CCDC66: variants seen among roughly 807,000 people sequenced by gnomAD.
CCDC66 encodes the protein coiled-coil domain containing 66.
CCDC66 carries 133 observed loss-of-function variants against 128.3 expected under a neutral mutation model. The ratio of observed to expected loss-of-function variants is 1.04; its 90% CI spans 0.90 to 1.20. The LOEUF is 1.20. Ranked by LOEUF, CCDC66 falls within the 50% of genes most tolerant of loss-of-function variation. The pLI is 0.00. For synonymous variants in CCDC66, 387 were observed against 357.0 expected, an observed-to-expected ratio of 1.08 and a Z score of -0.95; for missense variants, 1,126 against 1,075.5, an observed-to-expected ratio of 1.05 and a Z score of -0.66.
intron 7 of CCDC66, among the ~76,000 whole-genome samples, chr3:56,583,780 G>A (rs1430686230): frequency 3.3e-5 from 5 of 151,824 alleles, no homozygotes; most frequent in Admixed American, 6.6e-5. Flanking sequence ...AACCGCCATC[G>A]TCATCATGGC....
intron 3 of CCDC66, chr3:56,560,921 T>A (rs1046441987): frequency 8.8e-6 from 4 of 456,626 alleles, no homozygotes; most frequent in Non-Finnish European, 1.8e-5. Context: ...TACCACTTTA[T>A]CCTTCAACTC....
At chr3:56,560,989 C>T (rs2065020607) in intron 3 of CCDC66, 1 of 452,432 alleles carries the variant, frequency 2.2e-6, no homozygotes, top group African/African-American at 2.0e-5. Context: ...TGCTGGAGTA[C>T]CCGAAATATC....
chr3:56,567,092 T>C (rs760853031), intron 6 of CCDC66, 39 bp downstream of exon 6: 5 of 1,485,668 alleles, frequency 3.4e-6, no homozygotes, highest in Non-Finnish European at 4.7e-6. Flanking sequence ...TTTTATTGGC[T>C]TAAAGAATAT....
chr3:56,565,235 C>A, intron 4 of CCDC66: 2 of 248,690 alleles, frequency 8.0e-6, no homozygotes, highest in Non-Finnish European at 1.7e-5. Flanking sequence ...TATTTGTATT[C>A]CCCTTTAGGT....
intron 10 of CCDC66, among the ~76,000 whole-genome samples, chr3:56,605,222 T>A (rs2073899307): frequency 6.6e-6 from 1 of 152,090 alleles, no homozygotes. Flanking sequence ...AACAGGCTCC[T>A]TTAGCTCGGA....
intron 15 of CCDC66, chr3:56,618,818 T>G (rs2107437340): frequency 6.2e-6 from 1 of 160,918 alleles, no homozygotes; most frequent in Non-Finnish European, 1.4e-5. Context: ...CTAGTGCTAG[T>G]AAAAACATAA....
intron 17 of CCDC66, chr3:56,620,379 T>C (rs2076260210): frequency 6.5e-6 from 1 of 153,032 alleles, no homozygotes; most frequent in African/African-American, 2.4e-5. Flanking sequence ...TCCCAAACTA[T>C]TGTGACTTCT....
At chr3:56,582,381 C>CCTG (rs1206797062) in intron 7 of CCDC66, among the ~76,000 whole-genome samples, 2 of 151,738 alleles carry the variant, frequency 1.3e-5, no homozygotes, top group East Asian at 4.0e-4. Context: ...CGATGCCCCA[C>CCTG]CTGCTCCGTG....
chr3:56,620,023 C>T, intron 17 of CCDC66, 122 bp downstream of exon 17: 1 of 1,051,154 alleles, frequency 9.5e-7, no homozygotes. Flanking sequence ...AAAAATATTT[C>T]AGTTCCTGTA....
chr3:56,599,941 C>T (rs1212833952), intron 10 of CCDC66, among the ~76,000 whole-genome samples: 1 of 151,982 alleles, frequency 6.6e-6, no homozygotes, highest in Non-Finnish European at 1.5e-5. Context: ...GTTTGGTTTT[C>T]TGTTCTTGTG....
intron 3 of CCDC66, among the ~76,000 whole-genome samples, chr3:56,562,199 A>G (rs1277037159): frequency 6.6e-6 from 1 of 151,308 alleles, no homozygotes; most frequent in Non-Finnish European, 1.5e-5. Context: ...TGCCCACACC[A>G]CCAGGCTCAG....
At chr3:56,620,367 T>TC (rs2076256743) in intron 17 of CCDC66, 1 of 152,950 alleles carries the variant, frequency 6.5e-6, no homozygotes, top group African/African-American at 2.4e-5. Flanking sequence ...TACTACTTTT[T>TC]CTCCCAAACT....
At chr3:56,616,103 A>G (rs1559771761) in intron 13 of CCDC66, 50 bp downstream of exon 13, 3 of 1,488,698 alleles carry the variant, frequency 2.0e-6, no homozygotes, top group Non-Finnish European at 1.8e-6. Flanking sequence ...TAAAGTCATA[A>G]TTAAAGCAGT....
intron 17 of CCDC66, 194 bp from the exon 18 acceptor site, chr3:56,621,338 A>C (rs946669261): frequency 2.5e-6 from 1 of 396,554 alleles, no homozygotes; most frequent in Non-Finnish European, 4.5e-6. Context: ...TATGCTAAAA[A>C]CAGAATCTTA....
intron 12 of CCDC66, 52 bp from the exon 13 acceptor site, chr3:56,615,870 T>A (rs2075428217): frequency 6.8e-7 from 1 of 1,476,400 alleles, no homozygotes; most frequent in Admixed American, 2.0e-5. Context: ...TATACATAAT[T>A]TTTATTAATA....
At chr3:56,603,257 T>G (rs934086072) in intron 10 of CCDC66, among the ~76,000 whole-genome samples, 1 of 152,118 alleles carries the variant, frequency 6.6e-6, no homozygotes, top group South Asian at 2.1e-4. Flanking sequence ...CATTGATTTT[T>G]TTTGAAGGGT....
chr3:56,594,056 A>T (rs2071408995), intron 10 of CCDC66, 28 bp downstream of exon 10: 1 of 1,581,626 alleles, frequency 6.3e-7, no homozygotes, highest in East Asian at 2.2e-5. Context: ...ATTGTTCTTT[A>T]CCTTAATAAG....
At chr3:56,579,964 T>G (rs1463000704) in intron 7 of CCDC66, among the ~76,000 whole-genome samples, 1 of 151,858 alleles carries the variant, frequency 6.6e-6, no homozygotes, top group African/African-American at 2.4e-5. Flanking sequence ...TCGATATCCT[T>G]GTTAACTTTC....
chr3:56,575,629 T>A (rs1476929863), intron 7 of CCDC66, among the ~76,000 whole-genome samples: 1 of 151,892 alleles, frequency 6.6e-6, no homozygotes, highest in African/African-American at 2.4e-5. Context: ...TTGTTGCCTG[T>A]GTTTTTAATG....
Sources: allele counts gnomAD v4.1 joint callset (sites outside exome capture counted in the v4.1 genomes callset), GRCh38; gene constraint gnomAD v4.1.1; transcripts MANE v1.5; gene names NCBI Gene and HGNC (gene_info 2026-07-23, HGNC 2026-07-21).